Variants in KCNC2 observed in about 807,000 individuals in gnomAD.
KCNC2 encodes the protein potassium voltage-gated channel subfamily C member 2.
In KCNC2, 21 loss-of-function variants were observed where a neutral mutation model predicts 44.5. The observed-to-expected ratio is 0.47, with a 90% CI of 0.33 to 0.68. The LOEUF is 0.68. KCNC2 is among the 30% of genes least tolerant of loss of function. KCNC2 has a pLI of 0.01. For synonymous variants in KCNC2, 391 were observed against 339.1 expected, an observed-to-expected ratio of 1.15 and a Z score of -1.68; for missense variants, 589 against 826.2, an observed-to-expected ratio of 0.71 and a Z score of 3.52.
chr12:75,049,497 A>G (rs1362846185), intron 3 of KCNC2, among the ~76,000 whole-genome samples: 1 of 152,114 alleles, frequency 6.6e-6, no homozygotes, highest in Non-Finnish European at 1.5e-5. Context: ...ACAGTAGACA[A>G]GAGGTGACAT....
intron 2 of KCNC2, among the ~76,000 whole-genome samples, chr12:75,202,390 A>G (rs907584420): frequency 6.6e-6 from 1 of 151,834 alleles, no homozygotes; most frequent in African/African-American, 2.4e-5. Flanking sequence ...TGCTTAGACT[A>G]TAAGCATAAA....
chr12:75,071,852 G>A (rs1363353262), intron 2 of KCNC2, among the ~76,000 whole-genome samples: 4 of 140,162 alleles, frequency 2.9e-5, no homozygotes, highest in Non-Finnish European at 4.5e-5. Flanking sequence ...CAGGAGAATC[G>A]CTTGAACCCA....
intron 2 of KCNC2, among the ~76,000 whole-genome samples, chr12:75,192,291 T>TC (rs1265050021): frequency 6.6e-6 from 1 of 152,248 alleles, no homozygotes; most frequent in Non-Finnish European, 1.5e-5. Context: ...CATGAAGGCC[T>TC]CGTTTCCCTG....
chr12:75,158,103 T>A (rs1029865453), intron 2 of KCNC2, among the ~76,000 whole-genome samples: 4 of 151,930 alleles, frequency 2.6e-5, no homozygotes, highest in African/African-American at 9.7e-5. Flanking sequence ...AGGAGGCTTA[T>A]TTGTGTTGTC....
rs1413236739 is a variant in KCNC2, at chr12:75,201,580, G to C, written c.687+5717C>G. Among the ~76,000 whole-genome samples the C allele has an allele frequency of 2.0e-5, 3 of 151,886 alleles. No individual in the cohort carries two copies. In the East Asian group the frequency reaches 5.8e-4, roughly 29 times the overall value. Reference sequence around the variant, plus strand: ...TGTTGAAATCAAGACTGGAGCGTAGGTCTCTTAGGTCTCAATTCAGGCATT... The same window carrying C: ...TGTTGAAATCAAGACTGGAGCGTAGCTCTCTTAGGTCTCAATTCAGGCATT... On this transcript the variant is annotated intron_variant, in intron 2 of 4. Coordinates refer to ENST00000549446, the MANE Select transcript of KCNC2 (RefSeq NM_139137.4).
intron 2 of KCNC2, among the ~76,000 whole-genome samples, chr12:75,111,162 T>C (rs1159089928): frequency 6.6e-6 from 1 of 152,150 alleles, no homozygotes; most frequent in Non-Finnish European, 1.5e-5. Context: ...AAAATCACTG[T>C]GTTAGCTGTT....
chr12:75,137,310 G>A (rs991572683), intron 2 of KCNC2, among the ~76,000 whole-genome samples: 4 of 151,966 alleles, frequency 2.6e-5, no homozygotes, highest in Admixed American at 6.6e-5. Flanking sequence ...ATAATTTACT[G>A]GTTTTAACTA....
rs190787883 is a variant in KCNC2, at chr12:75,051,684, T to A, written c.688-367A>T. On this transcript the variant is annotated intron_variant, in intron 2 of 4. Transcript: ENST00000549446. ...GAGAAATTTAGATGACAGTTTATGA[T>A]CCTAGAAATCTTTATGCATATGATC... Among the ~76,000 whole-genome samples the A allele has an allele frequency of 5.1e-3, 782 of 152,246 alleles. 4 individuals are homozygous for A. The highest frequency in any genetic ancestry group is 9.2e-3 in the Non-Finnish European group (623 of 67,996).
chr12:75,146,425 T>C (rs535132251), intron 2 of KCNC2, among the ~76,000 whole-genome samples: 5 of 152,314 alleles, frequency 3.3e-5, no homozygotes, highest in Middle Eastern at 3.4e-3. Flanking sequence ...TGAATATTGC[T>C]TTTTATGGAA....
chr12:75,058,584 T>A (rs1269366639), intron 2 of KCNC2, among the ~76,000 whole-genome samples: 1 of 152,084 alleles, frequency 6.6e-6, no homozygotes, highest in East Asian at 1.9e-4. Context: ...TGAAGAGATG[T>A]TCTGATCCAG....
chr12:75,079,914 C>T (rs542262631), intron 2 of KCNC2, among the ~76,000 whole-genome samples: 12 of 152,154 alleles, frequency 7.9e-5, no homozygotes, highest in Admixed American at 2.0e-4. Context: ...ATGTGATTCC[C>T]TGTTAATGTC....
intron 2 of KCNC2, among the ~76,000 whole-genome samples, chr12:75,077,749 A>T (rs941295477): frequency 3.3e-5 from 5 of 152,200 alleles, no homozygotes; most frequent in Admixed American, 6.5e-5. Context: ...CTAAGTTACG[A>T]TAGCGTAAAA....
intron 2 of KCNC2, among the ~76,000 whole-genome samples, chr12:75,077,231 G>A (rs1361171938): frequency 6.6e-6 from 1 of 152,114 alleles, no homozygotes; most frequent in African/African-American, 2.4e-5. Context: ...AGAGTTGTAT[G>A]AGCATTTTCT....
intron 2 of KCNC2, among the ~76,000 whole-genome samples, chr12:75,128,827 A>G (rs1417468939): frequency 6.6e-6 from 1 of 152,186 alleles, no homozygotes; most frequent in Non-Finnish European, 1.5e-5. Flanking sequence ...TGCTTCATTT[A>G]TTCCCATGTT....
chr12:75,079,827 G>A (rs1884321371), intron 2 of KCNC2, among the ~76,000 whole-genome samples: 1 of 152,002 alleles, frequency 6.6e-6, no homozygotes, highest in South Asian at 2.1e-4. Context: ...TGGCATTTTG[G>A]ACATAGACAA....
chr12:75,041,796 T>A lies in KCNC2; in HGVS notation c.*1309A>T. ...TCACAGTGCCGATTAACTTAGGTAG[T>A]CTACAGAGCATCATTAATTTATACA... On this transcript the variant is annotated 3_prime_UTR_variant, in exon 5 of 5. Coordinates refer to ENST00000549446, the MANE Select transcript of KCNC2 (RefSeq NM_139137.4). 11 of 989,994 alleles carry A rather than the reference T, an allele frequency of 1.1e-5. No homozygotes were observed. The highest frequency in any genetic ancestry group is 1.3e-5 in the Non-Finnish European group (11 of 832,692). 61.3% of individuals were successfully genotyped at this position (989,994 alleles called of 1,614,324 possible). A position where few individuals can be genotyped will look rare whatever the true frequency, so the allele number is the denominator to read the frequency against.
intron 2 of KCNC2, among the ~76,000 whole-genome samples, chr12:75,152,348 G>A (rs114425678): frequency 0.011 from 1,669 of 151,542 alleles, 32 homozygotes; most frequent in African/African-American, 0.037. Flanking sequence ...ACAAAAACAC[G>A]TTATTAAAAC....
chr12:75,174,132 TAAC>T (rs1268464984), intron 2 of KCNC2, among the ~76,000 whole-genome samples: 1 of 134,608 alleles, frequency 7.4e-6, no homozygotes, highest in Non-Finnish European at 1.6e-5. Context: ...TTCACAGTTC[TAAC>T]TTTTTTTTTT....
chr12:75,043,048 G>A lies in KCNC2; in HGVS notation c.*57C>T. On this transcript the variant is annotated 3_prime_UTR_variant, in exon 5 of 5. Transcript: ENST00000549446. ...TACATTTAATTATTTCCATTATGGG[G>A]TAAACAGCACTTGAATTAATACAAT... The A allele has an allele frequency of 6.2e-7, 1 of 1,602,964 alleles. No individual in the cohort carries two copies. The highest frequency in any genetic ancestry group is 1.1e-5 in the South Asian group (1 of 89,936).
Sources: gnomAD v4.1 joint callset for allele counts (sites outside exome capture counted in the v4.1 genomes callset) on GRCh38, gnomAD v4.1.1 for gene constraint, MANE v1.5 for transcripts, NCBI Gene and HGNC (gene_info 2026-07-23, HGNC 2026-07-21) for gene names.